Variants in ZBTB32 observed in about 807,000 individuals in gnomAD.
The protein encoded by ZBTB32 is zinc finger and BTB domain-containing protein 32.
ZBTB32 carries 28 observed loss-of-function variants against 45.3 expected under a neutral mutation model. The ratio of observed to expected loss-of-function variants is 0.62; its 90% confidence interval spans 0.46 to 0.85. The LOEUF is 0.85. ZBTB32 is among the 40% of genes least tolerant of loss of function. The pLI is 0.00. For synonymous variants in ZBTB32, 283 were observed against 255.7 expected, an observed-to-expected ratio of 1.11 and a Z score of -1.02; for missense variants, 587 against 624.4, an observed-to-expected ratio of 0.94 and a Z score of 0.64.
chr19:35,714,317 C>T (rs1949472525), intron 2 of ZBTB32: 4 of 256,410 alleles, frequency 1.6e-5, no homozygotes, highest in South Asian at 1.7e-4. Flanking sequence ...TGTCTTAAAC[C>T]CACTACTAGA....
In ZBTB32 at chr19:35,716,277, C is replaced by T. The variant is rs766137981; in HGVS notation, c.1169C>T (p.Thr390Met). ...TTTTCACTCAAGCATCAGATGGAGA[C>T]GCACTACCGAGTCCACACAGGTATG... ...KRFSLKHQME[T>M]HYRVHTGEKP... is the part of the protein sequence containing the mutation. Residue 390 changes from threonine (T) to methionine (M), a missense_variant, in exon 6 of 7, where the codon ACG becomes ATG. Thr to Met is a moderately conservative substitution (Grantham distance 81). Coordinates refer to ENST00000392197, the MANE Select transcript of ZBTB32 (RefSeq NM_014383.3). 1.5e-5 allele frequency: 25 copies of T among 1,613,864 alleles called. No homozygotes were observed. Among genetic ancestry groups the T allele is most frequent in the Non-Finnish European group, 2.1e-5 (25 of 1,179,998 alleles).
chr19:35,716,013 T>C lies in ZBTB32; in HGVS notation c.1024+6T>C, dbSNP rs1201577449. 1.2e-6 allele frequency: 2 copies of C among 1,610,576 alleles called. No individual in the cohort carries two copies. Among genetic ancestry groups the C allele is most frequent in the Non-Finnish European group, 1.7e-6 (2 of 1,179,676 alleles). On this transcript the variant is annotated splice_donor_region_variant and intron_variant, in intron 5 of 6. Coordinates refer to ENST00000392197, the MANE Select transcript of ZBTB32 (RefSeq NM_014383.3). ...GTCTGATCAGGGGCACACAGGTGAG[T>C]CGGGCGGGGGCACTCGTGCCTCAGC...
chr19:35,716,095 C>G, intron 5 of ZBTB32, 38 bp from the exon 6 acceptor site: 1 of 1,612,000 alleles, frequency 6.2e-7, no homozygotes, highest in Non-Finnish European at 8.5e-7. Context: ...CGCTGGGATT[C>G]CTGGCCCTGC....
At chr19:35,705,841 G>A (rs1217528894) in intron 1 of ZBTB32, among the ~76,000 whole-genome samples, 2 of 150,786 alleles carry the variant, frequency 1.3e-5, no homozygotes, top group Non-Finnish European at 3.0e-5. Flanking sequence ...AACCCACGAG[G>A]CGGAGGTTGC....
chr19:35,715,322 C>G lies in ZBTB32; in HGVS notation c.696C>G (p.Pro232=), dbSNP rs1284794452. The change falls in exon 3 of 7, where the codon CCC becomes CCG. Residue 232 remains proline, a synonymous_variant. Coordinates refer to ENST00000392197, the MANE Select transcript of ZBTB32 (RefSeq NM_014383.3). ...SEESLRKLPG[P]LPPAGSLQTS... Reference sequence around the variant, plus strand: ...AAAGTCTGCGCAAGCTCCCTGGCCCCCTTCCCCCAGCAGGCTCCCTGCAAA... The same window carrying G: ...AAAGTCTGCGCAAGCTCCCTGGCCCGCTTCCCCCAGCAGGCTCCCTGCAAA... 6.3e-7 allele frequency: 1 copy of G among 1,593,444 alleles called. No individual in the cohort carries two copies. Among genetic ancestry groups the G allele is most frequent in the Admixed American group, 1.8e-5 (1 of 55,986 alleles).
chr19:35,711,583 G>A (rs1232535545), intron 1 of ZBTB32, among the ~76,000 whole-genome samples: 2 of 152,104 alleles, frequency 1.3e-5, no homozygotes, highest in African/African-American at 4.8e-5. Flanking sequence ...GTTAACATGT[G>A]CCTGCACCCA....
rs1599645814 is a variant in ZBTB32, at chr19:35,706,772, G to A, written c.-222+2149G>A. On this transcript the variant is annotated intron_variant, in intron 1 of 6. Transcript: ENST00000392197. ...GGAAATCACCCAGGTTGTCTTTACTGATGATCTTTTTTATACTCATGGGGC... is the reference window on the plus strand; with the variant it reads ...GGAAATCACCCAGGTTGTCTTTACTAATGATCTTTTTTATACTCATGGGGC... 2.0e-5 allele frequency among the ~76,000 whole-genome samples: 3 copies of A among 152,258 alleles called. No individual in the cohort carries two copies. In the Middle Eastern group the frequency reaches 0.01, roughly 518 times the overall value.
chr19:35,717,037 C>T lies in ZBTB32; in HGVS notation c.*285C>T. On this transcript the variant is annotated 3_prime_UTR_variant, in exon 7 of 7. Coordinates refer to ENST00000392197, the MANE Select transcript of ZBTB32 (RefSeq NM_014383.3). Reference sequence around the variant, plus strand: ...TAAAGAGTTTCCTGTGCCCTCCCTTCAGGACTAGAAAGCCGAGTTTAGTCT... The same window carrying T: ...TAAAGAGTTTCCTGTGCCCTCCCTTTAGGACTAGAAAGCCGAGTTTAGTCT... 1 of 468,780 alleles carries T rather than the reference C, an allele frequency of 2.1e-6. No homozygotes were observed. The highest frequency in any genetic ancestry group is 3.8e-6 in the Non-Finnish European group (1 of 261,130). 29.0% of individuals were successfully genotyped at this position (468,780 alleles called of 1,614,324 possible).
rs1568362476 is a variant in ZBTB32, at chr19:35,715,979, G to T, written c.996G>T (p.Glu332Asp). The change falls in exon 5 of 7, where the codon GAG becomes GAT. Residue 332 changes from glutamate (E) to aspartate (D), a missense_variant. Coordinates refer to ENST00000392197, the MANE Select transcript of ZBTB32 (RefSeq NM_014383.3). ...PQGPAQLSPGEMEESDQGHTG... is the reference protein window; with the variant it reads ...PQGPAQLSPGDMEESDQGHTG... ...GCCCCGCACAGCTCAGCCCTGGGGAGATGGAAGAGTCTGATCAGGGGCACA... is the reference window on the plus strand; with the variant it reads ...GCCCCGCACAGCTCAGCCCTGGGGATATGGAAGAGTCTGATCAGGGGCACA... The T allele has an allele frequency of 6.2e-7, 1 of 1,613,150 alleles. No individual in the cohort carries two copies. Among genetic ancestry groups the T allele is most frequent in the Admixed American group, 1.7e-5 (1 of 60,016 alleles).
chr19:35,714,695 G>C lies in ZBTB32; in HGVS notation c.69G>C (p.Arg23Ser). ...GSDRLVQLAA[R>S]LRPALCDTLI... ...ATCGGCTGGTACAGCTAGCAGCCAG[G>C]CTCCGGCCAGCACTCTGTGATACTC... The change falls in exon 3 of 7, where the codon AGG becomes AGC. Residue 23 changes from arginine (R) to serine (S), a missense_variant. By Grantham distance (110) the Arg-to-Ser change is moderately radical. Transcript: ENST00000392197. 2.5e-6 allele frequency: 4 copies of C among 1,609,552 alleles called. No homozygotes were observed. The highest frequency in any genetic ancestry group is 2.5e-6 in the Non-Finnish European group (3 of 1,176,880).
chr19:35,712,199 C>T (rs567620545), intron 1 of ZBTB32, among the ~76,000 whole-genome samples: 7 of 152,260 alleles, frequency 4.6e-5, no homozygotes, highest in African/African-American at 1.4e-4. Context: ...CAGTGGCTCA[C>T]GCCTATAATC....
intron 1 of ZBTB32, among the ~76,000 whole-genome samples, chr19:35,708,074 A>G (rs899293970): frequency 2.0e-5 from 3 of 152,136 alleles, no homozygotes; most frequent in Non-Finnish European, 4.4e-5. Flanking sequence ...GTAGGTTCCT[A>G]TATTATTTAT....
chr19:35,710,877 TAGAGA>T (rs942889326), intron 1 of ZBTB32, among the ~76,000 whole-genome samples: 6 of 152,188 alleles, frequency 3.9e-5, no homozygotes, highest in Non-Finnish European at 7.4e-5. Flanking sequence ...AGGAAGAGGC[TAGAGA>T]AGTGCTCAGG....
At chr19:35,714,489 C>A in intron 2 of ZBTB32, 34 bp from the exon 3 acceptor site, 1 of 966,786 alleles carries the variant, frequency 1.0e-6, no homozygotes, top group Non-Finnish European at 1.5e-6. Flanking sequence ...GATCTAGGAC[C>A]AGCAACTCAC....
At chr19:35,714,484 A>T in intron 2 of ZBTB32, 39 bp from the exon 3 acceptor site, 1 of 905,134 alleles carries the variant, frequency 1.1e-6, no homozygotes, top group Non-Finnish European at 1.6e-6. Context: ...GCTCTGATCT[A>T]GGACCAGCAA....
chr19:35,710,411 C>T (rs903891580), intron 1 of ZBTB32, among the ~76,000 whole-genome samples: 2 of 151,968 alleles, frequency 1.3e-5, no homozygotes, highest in Non-Finnish European at 2.9e-5. Flanking sequence ...ATGATTCCTA[C>T]CGAGTCAGCC....
chr19:35,716,868 GC>G lies in ZBTB32; in HGVS notation c.*120del. The G allele has an allele frequency of 7.7e-7, 1 of 1,293,374 alleles. No homozygotes were observed. Among genetic ancestry groups the G allele is most frequent in the Non-Finnish European group, 1.1e-6 (1 of 949,366 alleles). 80.1% of individuals were successfully genotyped at this position (1,293,374 alleles called of 1,614,324 possible). The stretch of plus-strand genomic sequence containing the variant: ...GCCTAGCAAATTCCGCCCCAGAAGC[GC>G]CCCAGGAAGGGCGCCGAGTGCCCTC... On this transcript the variant is annotated 3_prime_UTR_variant, in exon 7 of 7. Coordinates refer to ENST00000392197, the MANE Select transcript of ZBTB32 (RefSeq NM_014383.3).
At chr19:35,706,135 G>A (rs1449518610) in intron 1 of ZBTB32, among the ~76,000 whole-genome samples, 2 of 151,522 alleles carry the variant, frequency 1.3e-5, no homozygotes, top group African/African-American at 4.9e-5. Flanking sequence ...GGCTGAGGCA[G>A]GAGAATCGCT....
At position 35,716,726 on chromosome 19, in the gene ZBTB32, T is replaced by G; in HGVS notation, c.1438T>G (p.Cys480Gly). The G allele has an allele frequency of 6.2e-7, 1 of 1,609,908 alleles. No homozygotes were observed. Residue 480 changes from cysteine (C) to glycine (G), a missense_variant, in exon 7 of 7, where the codon TGT becomes GGT. Physicochemically the swap from Cys to Gly is radical, Grantham distance 159. Coordinates refer to ENST00000392197, the MANE Select transcript of ZBTB32 (RefSeq NM_014383.3). ...SRPSRPSTSPCCPSSSTT is the reference protein window; with the variant it reads ...SRPSRPSTSPGCPSSSTT ...GCCGTCTCGGCCCTCGACCTCTCCC[T>G]GTTGTCCTTCTTCCTCCACCACCTG... is the stretch of plus-strand genomic sequence containing the variant.
Sources: allele counts gnomAD v4.1 joint callset (sites outside exome capture counted in the v4.1 genomes callset), GRCh38; gene constraint gnomAD v4.1.1; transcripts MANE v1.5; gene names NCBI Gene and HGNC (gene_info 2026-07-23, HGNC 2026-07-21).